Variants in IFT81 observed in about 807,000 individuals in gnomAD.
IFT81 encodes the protein intraflagellar transport protein 81 homolog.
A neutral mutation model predicts 102.6 loss-of-function variants in IFT81; 72 were observed. The ratio of observed to expected loss-of-function variants is 0.70; its 90% CI spans 0.58 to 0.85. The LOEUF (loss-of-function observed/expected upper bound fraction) is 0.85. Ranked by LOEUF, IFT81 falls within the 40% of genes least tolerant of loss-of-function variation. The pLI, the probability that IFT81 is intolerant of heterozygous loss-of-function variation, is 0.00. For synonymous variants in IFT81, 237 were observed against 242.7 expected (o/e 0.98, Z 0.22); for missense variants, 723 against 787.3 (o/e 0.92, Z 0.98).
intron 14 of IFT81, among the ~76,000 whole-genome samples, chr12:110,202,817 G>A (rs1898362760): frequency 6.6e-6 from 1 of 152,136 alleles, no homozygotes; most frequent in Non-Finnish European, 1.5e-5. Flanking sequence ...CTTTCTGCAA[G>A]CATTATATGG....
chr12:110,149,561 A>C (rs1227112977), intron 10 of IFT81, among the ~76,000 whole-genome samples: 1 of 152,158 alleles, frequency 6.6e-6, no homozygotes, highest in African/African-American at 2.4e-5. Context: ...AACGGATCAC[A>C]TGTGCTCTTG....
chr12:110,132,685 T>C (rs1032637804), intron 5 of IFT81, 49 bp downstream of exon 5: 7 of 966,682 alleles, frequency 7.2e-6, no homozygotes, highest in African/African-American at 3.3e-5. Context: ...TTGAATAATA[T>C]TGGATTTAGC....
At chr12:110,153,302 T>G (rs1458380614) in intron 10 of IFT81, among the ~76,000 whole-genome samples, 1 of 152,138 alleles carries the variant, frequency 6.6e-6, no homozygotes, top group Non-Finnish European at 1.5e-5. Context: ...TGGCGTGATC[T>G]CGGCTCACCG....
Position 110,146,998 on chromosome 12 carries a change from A to G in IFT81, c.991A>G (p.Met331Val). The change falls in exon 10 of 19, where the codon ATG (methionine) becomes GTG (valine). Residue 331 changes from methionine (M) to valine (V), a missense_variant. Transcript: ENST00000242591. The part of the protein sequence containing the change: ...TEINQLIEKK[M>V]MRNEPIEGKL... ...AATTAACCAGTTGATTGAAAAGAAA[A>G]TGATGAGAAATGAGCCCATTGAAGG... 3 of 1,611,914 alleles carry G rather than the reference A, an allele frequency of 1.9e-6. No individual in the cohort carries two copies. The highest frequency in any genetic ancestry group is 2.5e-6 in the Non-Finnish European group (3 of 1,179,014).
At chr12:110,133,278 A>G (rs1894284299) in intron 5 of IFT81, among the ~76,000 whole-genome samples, 1 of 151,794 alleles carries the variant, frequency 6.6e-6, no homozygotes, top group African/African-American at 2.4e-5. Context: ...CCTAGCCTTT[A>G]TTTCTTGTTT....
At position 110,218,150 on chromosome 12, in the gene IFT81, G is replaced by C. The variant is rs1413929265; in HGVS notation, c.1955G>C (p.Cys652Ser). The C allele has an allele frequency of 2.5e-6, 4 of 1,589,702 alleles. No homozygotes were observed. The highest frequency in any genetic ancestry group is 2.7e-5 in the African/African-American group (2 of 72,872). Residue 652 changes from cysteine to serine, a missense_variant, in exon 19 of 19, where the codon TGC becomes TCC. Cys to Ser is a moderately radical substitution (Grantham distance 112). Transcript: ENST00000242591. ...LEQLMECKKQ[C>S]FLKQQSQTSI... ...CAATTAATGGAATGTAAGAAACAGTGCTTTCTGAAACAACAAAGCCAAACT... is the reference window on the plus strand; with the variant it reads ...CAATTAATGGAATGTAAGAAACAGTCCTTTCTGAAACAACAAAGCCAAACT...
chr12:110,212,404 G>A (rs774712900), intron 18 of IFT81, among the ~76,000 whole-genome samples: 2 of 151,748 alleles, frequency 1.3e-5, no homozygotes, highest in Non-Finnish European at 2.9e-5. Context: ...AATTAGCCAG[G>A]CGTGGTGGCA....
chr12:110,137,873 C>T (rs1025828143), intron 8 of IFT81, among the ~76,000 whole-genome samples: 2 of 152,038 alleles, frequency 1.3e-5, no homozygotes, highest in African/African-American at 4.8e-5. Flanking sequence ...TCCTTAAAAC[C>T]GAGTGTTTTT....
chr12:110,127,628 T>G, intron 2 of IFT81, 104 bp downstream of exon 2: 1 of 1,039,528 alleles, frequency 9.6e-7, no homozygotes, highest in Non-Finnish European at 1.3e-6. Context: ...GAGCTTTATT[T>G]TCCATGTCTG....
chr12:110,200,225 A>C (rs1008638368), intron 14 of IFT81, among the ~76,000 whole-genome samples: 7 of 152,222 alleles, frequency 4.6e-5, no homozygotes, highest in African/African-American at 1.7e-4. Context: ...GAGTGATTTC[A>C]TCATTGTGCA....
chr12:110,192,316 A>G (rs1462437150), intron 13 of IFT81, among the ~76,000 whole-genome samples: 1 of 152,212 alleles, frequency 6.6e-6, no homozygotes, highest in Non-Finnish European at 1.5e-5. Flanking sequence ...CATAAATAAT[A>G]CATCATGATT....
At position 110,202,871 on chromosome 12, in the gene IFT81, A is replaced by G. The variant is rs116426452; in HGVS notation, c.1558-993A>G. On this transcript the variant is annotated intron_variant, in intron 14 of 18. Coordinates refer to ENST00000242591, the MANE Select transcript of IFT81 (RefSeq NM_014055.4). ...TGAGGTGCCGTTTTGAGATTTAGTT[A>G]TTGTCAGTGGTACATTTCAAACACC... 4.5e-3 allele frequency among the ~76,000 whole-genome samples: 682 copies of G among 152,236 alleles called. 5 individuals are homozygous for G. The highest frequency in any genetic ancestry group is 0.016 in the African/African-American group (651 of 41,528).
intron 10 of IFT81, among the ~76,000 whole-genome samples, chr12:110,151,851 C>G (rs532327937): frequency 1.2e-4 from 18 of 152,286 alleles, no homozygotes; most frequent in Non-Finnish European, 2.4e-4. Flanking sequence ...TTCTACTCTT[C>G]TGCTTCCATG....
intron 8 of IFT81, among the ~76,000 whole-genome samples, chr12:110,138,283 T>C (rs1894632125): frequency 6.6e-6 from 1 of 152,224 alleles, no homozygotes. Context: ...TCCAGGTATT[T>C]AGTTTAATAA....
chr12:110,128,799 A>AG, intron 3 of IFT81, 151 bp from the exon 4 acceptor site: 1 of 611,728 alleles, frequency 1.6e-6, no homozygotes, highest in East Asian at 3.1e-5. Flanking sequence ...AAAAAAAAAA[A>AG]AAAAAAAAAA....
intron 8 of IFT81, among the ~76,000 whole-genome samples, chr12:110,139,866 T>TAAAATAAAATAAAATATAAA (rs1477964163): frequency 1.5e-5 from 2 of 130,092 alleles, no homozygotes; most frequent in African/African-American, 6.2e-5. Context: ...TAAAATAAAA[T>TAAAATAAAATAAAATATAAA]ATAAAATAAA....
intron 12 of IFT81, among the ~76,000 whole-genome samples, chr12:110,188,835 A>G (rs1897669087): frequency 6.6e-6 from 1 of 151,800 alleles, no homozygotes. Flanking sequence ...AGGCTGAGGC[A>G]GGAGAATCGC....
intron 10 of IFT81, among the ~76,000 whole-genome samples, chr12:110,156,752 C>A (rs762772592): frequency 3.9e-5 from 6 of 152,300 alleles, no homozygotes; most frequent in Non-Finnish European, 8.8e-5. Context: ...CTGCCCCAGC[C>A]TTCCAAAGTA....
intron 12 of IFT81, among the ~76,000 whole-genome samples, chr12:110,180,792 A>G (rs1240274397): frequency 6.6e-6 from 1 of 152,170 alleles, no homozygotes; most frequent in Non-Finnish European, 1.5e-5. Flanking sequence ...TTAATAGAAA[A>G]ACTTGAATTC....
Sources: allele counts gnomAD v4.1 joint callset (sites outside exome capture counted in the v4.1 genomes callset), GRCh38; gene constraint gnomAD v4.1.1; transcripts MANE v1.5; gene names NCBI Gene and HGNC (gene_info 2026-07-23, HGNC 2026-07-21).